Variants in ZMAT4 observed in about 807,000 individuals in gnomAD.
ZMAT4 encodes the protein zinc finger matrin-type protein 4.
A neutral mutation model predicts 28.7 loss-of-function variants in ZMAT4; 17 were observed. The observed-to-expected ratio is 0.59, with a 90% CI of 0.41 to 0.89. The LOEUF (loss-of-function observed/expected upper bound fraction) is 0.89, where lower values mean the gene tolerates loss of function less well. ZMAT4 is among the 40% of genes least tolerant of loss of function. The probability of loss-of-function intolerance (pLI) is 0.00; values close to 1 mark genes in which losing one functional copy is unlikely to be tolerated. For missense variants in ZMAT4, 240 were observed against 283.8 expected, an observed-to-expected ratio of 0.85 and a Z score of 1.11; for synonymous variants, 117 against 109.2, an observed-to-expected ratio of 1.07 and a Z score of -0.44.
chr8:40,581,100 C>G (rs980439642), intron 6 of ZMAT4, 65 bp downstream of exon 6: 30 of 1,299,452 alleles, frequency 2.3e-5, no homozygotes, highest in Non-Finnish European at 3.1e-5. Flanking sequence ...AAATGTTGAG[C>G]CTTTAGTCAT....
At chr8:40,845,082 C>A (rs1816837137) in intron 1 of ZMAT4, among the ~76,000 whole-genome samples, 1 of 152,212 alleles carries the variant, frequency 6.6e-6, no homozygotes. Context: ...GTTAACATGA[C>A]TGCAGGTGCC....
intron 1 of ZMAT4, among the ~76,000 whole-genome samples, chr8:40,878,889 G>A (rs1392292590): frequency 6.6e-6 from 1 of 152,174 alleles, no homozygotes; most frequent in Non-Finnish European, 1.5e-5. Flanking sequence ...AGTGGGCAGG[G>A]CTGCTTTTTT....
intron 2 of ZMAT4, among the ~76,000 whole-genome samples, chr8:40,822,470 C>T (rs1006520869): frequency 2.6e-5 from 4 of 152,154 alleles, no homozygotes; most frequent in Admixed American, 1.3e-4. Context: ...AATGGAATTT[C>T]GATCTCCTAG....
At chr8:40,589,730 TC>T (rs754526357) in intron 5 of ZMAT4, among the ~76,000 whole-genome samples, 2,704 of 114,112 alleles carry the variant, frequency 0.024, 59 homozygotes, top group Admixed American at 0.086. Context: ...CTTCTTCCTT[TC>T]CTTTCTTTCT....
At chr8:40,775,579 A>G (rs1813558174) in intron 2 of ZMAT4, among the ~76,000 whole-genome samples, 1 of 152,212 alleles carries the variant, frequency 6.6e-6, no homozygotes, top group South Asian at 2.1e-4. Flanking sequence ...GTGTTGAGGA[A>G]GAGAGGTTTG....
At chr8:40,597,824 T>C (rs1027730476) in intron 5 of ZMAT4, among the ~76,000 whole-genome samples, 2 of 152,214 alleles carry the variant, frequency 1.3e-5, no homozygotes, top group Admixed American at 6.5e-5. Flanking sequence ...TCTGAAGGAA[T>C]GCTTAATCTT....
chr8:40,546,300 CAAAA>C (rs991474050), intron 6 of ZMAT4, among the ~76,000 whole-genome samples: 5 of 66,766 alleles, frequency 7.5e-5, no homozygotes, highest in African/African-American at 5.3e-5. Flanking sequence ...ATCACTTGAA[CAAAA>C]AAAAAAAAAA....
At chr8:40,887,640 C>A (rs576783757) in intron 1 of ZMAT4, among the ~76,000 whole-genome samples, 1 of 152,190 alleles carries the variant, frequency 6.6e-6, no homozygotes, top group African/African-American at 2.4e-5. Context: ...CCCTCCCAGT[C>A]TTCCTTTCTC....
intron 2 of ZMAT4, among the ~76,000 whole-genome samples, chr8:40,802,912 G>A (rs1188674299): frequency 6.6e-6 from 1 of 152,102 alleles, no homozygotes; most frequent in Non-Finnish European, 1.5e-5. Context: ...CCCAGAAATA[G>A]ACCCACATAA....
chr8:40,696,454 C>T (rs1809888361), intron 4 of ZMAT4, among the ~76,000 whole-genome samples: 1 of 152,132 alleles, frequency 6.6e-6, no homozygotes, highest in Non-Finnish European at 1.5e-5. Flanking sequence ...ATGAAATACG[C>T]CCCCAACTTC....
intron 1 of ZMAT4, among the ~76,000 whole-genome samples, chr8:40,848,810 G>A (rs1816998537): frequency 6.6e-6 from 1 of 152,126 alleles, no homozygotes; most frequent in South Asian, 2.1e-4. Flanking sequence ...TCAGGAATTG[G>A]GGGTGGTTGT....
At chr8:40,755,467 T>C (rs528464923) in intron 3 of ZMAT4, among the ~76,000 whole-genome samples, 1 of 152,338 alleles carries the variant, frequency 6.6e-6, no homozygotes, top group African/African-American at 2.4e-5. Context: ...CTGTAATTTT[T>C]TTTGAGACAG....
chr8:40,845,681 T>C (rs963179858), intron 1 of ZMAT4, among the ~76,000 whole-genome samples: 2 of 150,252 alleles, frequency 1.3e-5, no homozygotes, highest in Middle Eastern at 3.4e-3. Flanking sequence ...AGTGAAAACC[T>C]GTGTTTGCTG....
intron 5 of ZMAT4, among the ~76,000 whole-genome samples, chr8:40,647,334 G>A (rs934408410): frequency 6.6e-6 from 1 of 152,160 alleles, no homozygotes; most frequent in African/African-American, 2.4e-5. Context: ...TGGAAAATCG[G>A]GTCACTCCCA....
chr8:40,532,178 G>T lies in ZMAT4; in HGVS notation c.*45C>A. The T allele has an allele frequency of 6.5e-7, 1 of 1,550,294 alleles. No homozygotes were observed. Among genetic ancestry groups the T allele is most frequent in the Non-Finnish European group, 8.7e-7 (1 of 1,146,278 alleles). ...GGTTGATAAGCAATTCTCCACGGCAGAGAAATGCTAATGTTTTGTTCTTAT... is the reference window on the plus strand; with the variant it reads ...GGTTGATAAGCAATTCTCCACGGCATAGAAATGCTAATGTTTTGTTCTTAT... On this transcript the variant is annotated 3_prime_UTR_variant, in exon 7 of 7. Coordinates refer to ENST00000297737, the MANE Select transcript of ZMAT4 (RefSeq NM_024645.3).
intron 2 of ZMAT4, among the ~76,000 whole-genome samples, chr8:40,772,108 T>G (rs1813411776): frequency 6.6e-6 from 1 of 152,234 alleles, no homozygotes. Flanking sequence ...AATCCCAGGC[T>G]CTTTTTTGCA....
At chr8:40,836,313 A>G (rs930636332) in intron 1 of ZMAT4, among the ~76,000 whole-genome samples, 1 of 152,218 alleles carries the variant, frequency 6.6e-6, no homozygotes, top group Non-Finnish European at 1.5e-5. Flanking sequence ...GTGAAAATGT[A>G]TACAGGAATT....
chr8:40,811,369 G>A (rs762970011), intron 2 of ZMAT4, among the ~76,000 whole-genome samples: 1 of 152,158 alleles, frequency 6.6e-6, no homozygotes, highest in Non-Finnish European at 1.5e-5. Flanking sequence ...ATCTGTGCAA[G>A]ACAATTAAAG....
chr8:40,722,966 AC>A (rs1464334027), intron 3 of ZMAT4, among the ~76,000 whole-genome samples: 8 of 152,120 alleles, frequency 5.3e-5, no homozygotes, highest in Non-Finnish European at 1.2e-4. Context: ...TGAGGCCCCT[AC>A]CCACTGGGAC....
Sources: allele counts gnomAD v4.1 joint callset (sites outside exome capture counted in the v4.1 genomes callset), GRCh38; gene constraint gnomAD v4.1.1; transcripts MANE v1.5; gene names NCBI Gene and HGNC (gene_info 2026-07-23, HGNC 2026-07-21).